SLIT3: variants seen among roughly 807,000 people sequenced by gnomAD.
SLIT3 encodes the protein slit guidance ligand 3, also known as slit homolog 3 protein.
In SLIT3, 68 loss-of-function variants were observed where a neutral mutation model predicts 184.0. The observed-to-expected ratio is 0.37, with a 90% CI of 0.30 to 0.45. The LOEUF is 0.45. SLIT3 is among the 20% of genes least tolerant of loss of function. The pLI is 1.00. For synonymous variants in SLIT3, 831 were observed against 828.6 expected (o/e 1.00, Z -0.05); for missense variants, 1,707 against 2,026.0 (o/e 0.84, Z 3.02).
intron 4 of SLIT3, among the ~76,000 whole-genome samples, chr5:168,899,218 A>G (rs752705781): frequency 3.3e-4 from 51 of 152,240 alleles, no homozygotes; most frequent in Non-Finnish European, 5.6e-4. Flanking sequence ...GTGCAAACCT[A>G]AAAACATAAA....
At chr5:168,832,711 G>T (rs772603970) in intron 6 of SLIT3, among the ~76,000 whole-genome samples, 46 of 152,270 alleles carry the variant, frequency 3.0e-4, no homozygotes, top group South Asian at 6.2e-4. Flanking sequence ...TGGAATGGGG[G>T]TGCAGCATTG....
At chr5:169,049,141 T>C (rs193181768) in intron 4 of SLIT3, among the ~76,000 whole-genome samples, 1 of 152,350 alleles carries the variant, frequency 6.6e-6, no homozygotes, top group East Asian at 1.9e-4. Context: ...CATGAGCTTT[T>C]TGGGGGCAAA....
chr5:168,752,856 G>T, intron 18 of SLIT3, 99 bp downstream of exon 18: 1 of 1,236,780 alleles, frequency 8.1e-7, no homozygotes, highest in South Asian at 1.4e-5. Flanking sequence ...TGGACAGACA[G>T]ATAGATGAGC....
chr5:168,673,391 C>T, intron 32 of SLIT3, 60 bp from the exon 33 acceptor site: 1 of 1,532,158 alleles, frequency 6.5e-7, no homozygotes, highest in East Asian at 2.3e-5. Context: ...CATGGCTGGG[C>T]CCTGTGCTGT....
At position 168,676,356 on chromosome 5, in the gene SLIT3, C is replaced by T. The variant is rs76566374; in HGVS notation, c.3687-3025G>A. On this transcript the variant is annotated intron_variant, in intron 32 of 35. Coordinates refer to ENST00000519560, the MANE Select transcript of SLIT3 (RefSeq NM_003062.4). ...TCCTATAAAGTAAATGACAACTTAT[C>T]AATGTAAGGTCTAGCCAAGAGATAG... Among the ~76,000 whole-genome samples, 736 of 152,278 alleles carry T rather than the reference C, an allele frequency of 4.8e-3. 10 individuals carry two copies. Among genetic ancestry groups the T allele is most frequent in the African/African-American group, 0.016 (679 of 41,560 alleles).
chr5:168,937,487 G>A (rs556590455), intron 4 of SLIT3, among the ~76,000 whole-genome samples: 2 of 152,264 alleles, frequency 1.3e-5, no homozygotes, highest in East Asian at 1.9e-4. Context: ...AGGGGCAGAG[G>A]TGAAATGGAC....
intron 4 of SLIT3, among the ~76,000 whole-genome samples, chr5:169,170,427 C>T (rs1318515707): frequency 6.6e-6 from 1 of 152,182 alleles, no homozygotes; most frequent in Non-Finnish European, 1.5e-5. Flanking sequence ...AGCCAGCCTG[C>T]CTCAGCAGCC....
chr5:168,722,143 T>C, intron 23 of SLIT3, 113 bp downstream of exon 23: 5 of 859,806 alleles, frequency 5.8e-6, no homozygotes, highest in Non-Finnish European at 9.5e-6. Flanking sequence ...TAGGAAGGTG[T>C]GTTTGGGGGT....
rs1285741703 is a variant in SLIT3, at chr5:168,993,827, TC to T, written c.414-110492del. ...TGGTAGAGCCACGTGATCAAAATCATCCCGCTTTTTCCCCATTCTGGGGAAA... is the reference window on the plus strand; with the variant it reads ...TGGTAGAGCCACGTGATCAAAATCATCCGCTTTTTCCCCATTCTGGGGAAA... On this transcript the variant is annotated intron_variant, in intron 4 of 35. Transcript: ENST00000519560. Among the ~76,000 whole-genome samples, 8 of 152,254 alleles carry T rather than the reference TC, an allele frequency of 5.3e-5. No individual in the cohort carries two copies. In the South Asian group the frequency reaches 1.0e-3, roughly 20 times the overall value.
intron 14 of SLIT3, among the ~76,000 whole-genome samples, chr5:168,763,413 T>C (rs551052853): frequency 6.6e-6 from 1 of 152,280 alleles, no homozygotes; most frequent in South Asian, 2.1e-4. Context: ...ACAATATTGG[T>C]AATAAATTCC....
chr5:168,670,578 C>A (rs62377319), intron 34 of SLIT3, among the ~76,000 whole-genome samples: 10 of 152,084 alleles, frequency 6.6e-5, no homozygotes, highest in African/African-American at 2.2e-4. Flanking sequence ...GTCAAACACA[C>A]ACACACATAT....
chr5:168,707,231 T>C (rs953937654), intron 26 of SLIT3: 2 of 152,360 alleles, frequency 1.3e-5, no homozygotes, highest in Non-Finnish European at 2.9e-5. Flanking sequence ...AAGGGAATAA[T>C]GAGGCCTTCT....
chr5:169,022,838 G>A (rs1434142902), intron 4 of SLIT3: 2 of 152,088 alleles, frequency 1.3e-5, no homozygotes, highest in Non-Finnish European at 2.9e-5. Context: ...AAACAAGAGA[G>A]TGAGCGCTCT....
chr5:169,024,936 A>C (rs1204241285), intron 4 of SLIT3: 1 of 152,260 alleles, frequency 6.6e-6, no homozygotes, highest in Non-Finnish European at 1.5e-5. Flanking sequence ...AGACACCTCC[A>C]ACCCTTATGA....
intron 4 of SLIT3, among the ~76,000 whole-genome samples, chr5:168,914,535 A>T (rs940418600): frequency 3.9e-5 from 6 of 152,210 alleles, no homozygotes; most frequent in Admixed American, 2.6e-4. Context: ...TCTCTTGGTA[A>T]CTGAGGATGA....
At chr5:169,154,288 GTA>G (rs1762225886) in intron 4 of SLIT3, among the ~76,000 whole-genome samples, 21 of 152,262 alleles carry the variant, frequency 1.4e-4, no homozygotes, top group African/African-American at 4.1e-4. Context: ...AGAGCTCTGG[GTA>G]ACATAGACTC....
intron 5 of SLIT3, among the ~76,000 whole-genome samples, chr5:168,856,413 G>C (rs1181495825): frequency 6.6e-6 from 1 of 152,186 alleles, no homozygotes; most frequent in African/African-American, 2.4e-5. Context: ...GAACTACCTT[G>C]ACATTGAAGA....
At chr5:168,951,298 C>T (rs1453107880) in intron 4 of SLIT3, among the ~76,000 whole-genome samples, 1 of 152,132 alleles carries the variant, frequency 6.6e-6, no homozygotes, top group Non-Finnish European at 1.5e-5. Context: ...CAGCATACAG[C>T]ACATCTAAGC....
At chr5:169,054,050 C>A (rs1194154587) in intron 4 of SLIT3, among the ~76,000 whole-genome samples, 2 of 151,860 alleles carry the variant, frequency 1.3e-5, no homozygotes, top group African/African-American at 4.8e-5. Context: ...AACATCATGC[C>A]ACTGCACTCC....
Sources: gnomAD v4.1 joint callset for allele counts (sites outside exome capture counted in the v4.1 genomes callset) on GRCh38, gnomAD v4.1.1 for gene constraint, MANE v1.5 for transcripts, NCBI Gene and HGNC (gene_info 2026-07-23, HGNC 2026-07-21) for gene names.